The following ZNF280A variants were observed in gnomAD, a reference collection of about 807,000 sequenced individuals.
The protein encoded by ZNF280A is suppressor of hairy wing homolog 1.
In ZNF280A, 26 loss-of-function variants were observed where a neutral mutation model predicts 35.9. The observed-to-expected ratio is 0.72, with a 90% CI of 0.53 to 1.01. ZNF280A has a LOEUF of 1.01. Among genes scored for constraint, ZNF280A ranks in the 50% least tolerant of loss-of-function variants. The pLI, the probability that ZNF280A is intolerant of heterozygous loss-of-function variation, is 0.00. For missense variants in ZNF280A, 654 were observed against 652.0 expected, an observed-to-expected ratio of 1.00 and a Z score of -0.03; for synonymous variants, 231 against 232.9, an observed-to-expected ratio of 0.99 and a Z score of 0.07.
At chr22:22,516,209 A>C (rs1215586388) in intron 1 of ZNF280A, among the ~76,000 whole-genome samples, 1 of 151,678 alleles carries the variant, frequency 6.6e-6, no homozygotes, top group Admixed American at 6.6e-5. Flanking sequence ...TGAGCCCAGG[A>C]CTTCAAAGCT....
intron 1 of ZNF280A, among the ~76,000 whole-genome samples, chr22:22,516,266 A>G (rs1377872428): frequency 7.1e-6 from 1 of 140,564 alleles, no homozygotes; most frequent in Admixed American, 7.0e-5. Flanking sequence ...ATGAGACCCC[A>G]TCACACAAAC....
Position 22,514,387 on chromosome 22 carries a change from G to A in ZNF280A, c.1244C>T (p.Thr415Met), listed in dbSNP as rs143724074. 51 of 1,613,902 alleles carry A rather than the reference G, an allele frequency of 3.2e-5. No homozygotes were observed. Among genetic ancestry groups the A allele is most frequent in the African/African-American group, 9.3e-5 (7 of 74,986 alleles). Reference protein sequence around the residue: ...VFADVETHFRTCHENTKNLLC... With the variant: ...VFADVETHFRMCHENTKNLLC... ...CAAATTCTTTGTGTTTTCATGGCAC[G>A]TTCTAAAATGTGTTTCCACATCAGC... is the stretch of plus-strand genomic sequence containing the variant. Residue 415 changes from threonine (T) to methionine (M), a missense_variant, in exon 2 of 2, where the codon ACG (threonine) becomes ATG (methionine). Transcript: ENST00000302097.
rs758830092 is a variant in ZNF280A at position 22,514,194 on chromosome 22, C to T, written c.1437G>A (p.Lys479=). ...TAGGCAACCCTTGCAGTTGCTCCGG[C>T]TTTTTAAATGTTTGATGGTCCTTGG... ...HKTKDHQTFK[K]PEQLQGLPSE... Residue 479 remains lysine (K), a synonymous_variant, in exon 2 of 2, where the codon AAG becomes AAA. Transcript: ENST00000302097. 1 of 1,613,558 alleles carries T rather than the reference C, an allele frequency of 6.2e-7. No homozygotes were observed. Among genetic ancestry groups the T allele is most frequent in the African/African-American group, 1.3e-5 (1 of 74,838 alleles).
chr22:22,517,204 C>G (rs182509547), intron 1 of ZNF280A, among the ~76,000 whole-genome samples: 2 of 151,624 alleles, frequency 1.3e-5, no homozygotes, highest in South Asian at 2.1e-4. Context: ...GTCAGGAGCT[C>G]GAGACCAGCC....
intron 1 of ZNF280A, among the ~76,000 whole-genome samples, chr22:22,518,538 G>A (rs1199075321): frequency 6.6e-6 from 1 of 151,662 alleles, no homozygotes; most frequent in Non-Finnish European, 1.5e-5. Flanking sequence ...TGTAATCCCA[G>A]CACTTTTGGG....
At chr22:22,519,269 C>A (rs1039523272) in intron 1 of ZNF280A, among the ~76,000 whole-genome samples, 4 of 151,600 alleles carry the variant, frequency 2.6e-5, no homozygotes, top group African/African-American at 9.7e-5. Flanking sequence ...CCCATCTCTA[C>A]TAAAAATACA....
At position 22,517,876 on chromosome 22, in the gene ZNF280A, T is replaced by TAA. The variant is rs362029; in HGVS notation, c.-71-2177_-71-2176dup. On this transcript the variant is annotated intron_variant, in intron 1 of 1. Coordinates refer to ENST00000302097, the MANE Select transcript of ZNF280A (RefSeq NM_080740.5). The stretch of plus-strand genomic sequence containing the variant: ...ATATCAGCATGTTTAACATCTGATG[T>TAA]AAAAAAAAAAAAAAAGGAGAGTAAT... 7.9e-3 allele frequency among the ~76,000 whole-genome samples: 1,011 copies of TAA among 127,888 alleles called. 24 individuals are homozygous for TAA. Among genetic ancestry groups the TAA allele is most frequent in the African/African-American group, 0.026 (874 of 33,400 alleles). The allele number at this position is 127,888 out of a possible 152,430, so 83.9% of individuals were successfully genotyped here.
intron 1 of ZNF280A, among the ~76,000 whole-genome samples, chr22:22,518,525 G>A (rs1435425272): frequency 1.3e-5 from 2 of 151,548 alleles, no homozygotes; most frequent in African/African-American, 2.4e-5. Flanking sequence ...GGTGGCTCAC[G>A]CCTGTAATCC....
At chr22:22,518,568 A>G (rs908252210) in intron 1 of ZNF280A, among the ~76,000 whole-genome samples, 1 of 151,602 alleles carries the variant, frequency 6.6e-6, no homozygotes, top group Non-Finnish European at 1.5e-5. Flanking sequence ...TGGGCAGATC[A>G]CTTGAGCTCA....
Position 22,515,067 on chromosome 22 carries a change from T to C in ZNF280A, c.564A>G (p.Pro188=). Residue 188 remains proline (P), a synonymous_variant, in exon 2 of 2, where the codon CCA becomes CCG. Transcript: ENST00000302097. The part of the protein sequence containing the change: ...SKRVKLRDGI[P]GVPSLAVVPS... ...GGACCACAGCTAAAGAAGGTACCCC[T>C]GGGATTCCATCCCTGAGTTTAACCC... The C allele has an allele frequency of 6.2e-7, 1 of 1,613,926 alleles. No homozygotes were observed. Among genetic ancestry groups the C allele is most frequent in the East Asian group, 2.2e-5 (1 of 44,794 alleles).
chr22:22,513,857 G>C lies in ZNF280A; in HGVS notation c.*145C>G, dbSNP rs2062036712. 2 of 601,836 alleles carry C rather than the reference G, an allele frequency of 3.3e-6. No homozygotes were observed. Among genetic ancestry groups the C allele is most frequent in the Middle Eastern group, 7.6e-4 (2 of 2,642 alleles). The allele number at this position is 601,836 out of a possible 1,614,324, so 37.3% of individuals were successfully genotyped here. The stretch of plus-strand genomic sequence containing the variant: ...CTCAAAGACTTTGGAGCTACTTCTT[G>C]ACAATAGGGAGCTGATGAGATGTCA... On this transcript the variant is annotated 3_prime_UTR_variant, in exon 2 of 2. Coordinates refer to ENST00000302097, the MANE Select transcript of ZNF280A (RefSeq NM_080740.5).
chr22:22,516,825 C>T (rs907435230), intron 1 of ZNF280A, among the ~76,000 whole-genome samples: 5 of 151,838 alleles, frequency 3.3e-5, no homozygotes, highest in South Asian at 2.1e-4. Flanking sequence ...CCGGACGTTG[C>T]GTGCCTCTTT....
intron 1 of ZNF280A, among the ~76,000 whole-genome samples, chr22:22,518,812 A>G (rs2062106335): frequency 6.6e-6 from 1 of 151,228 alleles, no homozygotes; most frequent in Non-Finnish European, 1.5e-5. Flanking sequence ...AAAAAGGAAT[A>G]TTTTGTGATG....
intron 1 of ZNF280A, among the ~76,000 whole-genome samples, 164 bp from the exon 2 acceptor site, chr22:22,515,865 C>G (rs1424191852): frequency 6.6e-6 from 1 of 151,824 alleles, no homozygotes; most frequent in Non-Finnish European, 1.5e-5. Flanking sequence ...TTCAAATTTA[C>G]CTGTCTCTCC....
intron 1 of ZNF280A, among the ~76,000 whole-genome samples, chr22:22,518,092 AT>A (rs1187307747): frequency 6.6e-6 from 1 of 151,550 alleles, no homozygotes; most frequent in Non-Finnish European, 1.5e-5. Context: ...CGCCCGGCTA[AT>A]TTTTTGTATT....
At chr22:22,517,624 A>G (rs1256555479) in intron 1 of ZNF280A, among the ~76,000 whole-genome samples, 1 of 151,928 alleles carries the variant, frequency 6.6e-6, no homozygotes, top group Non-Finnish European at 1.5e-5. Context: ...GCCATATTTT[A>G]TTGATTCTAA....
At position 22,515,273 on chromosome 22, in the gene ZNF280A, A is replaced by G. The variant is rs1569194892; in HGVS notation, c.358T>C (p.Ser120Pro). 6.2e-7 allele frequency: 1 copy of G among 1,613,868 alleles called. No homozygotes were observed. Among genetic ancestry groups the G allele is most frequent in the East Asian group, 2.2e-5 (1 of 44,800 alleles). ...STDSPVTMKS[S>P]SEPGYKMSSP... is the part of the protein sequence containing the mutation. ...CTCATTTTATAACCAGGTTCAGATG[A>G]AGACTTCATAGTGACAGGACTATCT... The change falls in exon 2 of 2, where the codon TCA (serine) becomes CCA (proline). Residue 120 changes from serine (S) to proline (P), a missense_variant. Coordinates refer to ENST00000302097, the MANE Select transcript of ZNF280A (RefSeq NM_080740.5).
rs755764936 is a variant in ZNF280A, at chr22:22,515,203, G to T, written c.428C>A (p.Pro143Gln). The change falls in exon 2 of 2, where the codon CCA becomes CAA. Residue 143 changes from proline (P) to glutamine (Q), a missense_variant. Transcript: ENST00000302097. ...AGCTCCAACTAGACACTGAGTCCCTGGGGGGAGCGAGTCTGAGGAACTGGG... is the reference window on the plus strand; with the variant it reads ...AGCTCCAACTAGACACTGAGTCCCTTGGGGGAGCGAGTCTGAGGAACTGGG... ...VSPSSSDSLP[P>Q]GTQCLVGAMV... 6.8e-6 allele frequency: 11 copies of T among 1,613,698 alleles called. No homozygotes were observed. The highest frequency in any genetic ancestry group is 2.7e-5 in the African/African-American group (2 of 74,850).
At chr22:22,519,780 T>C (rs992388489) in intron 1 of ZNF280A, among the ~76,000 whole-genome samples, 1 of 151,854 alleles carries the variant, frequency 6.6e-6, no homozygotes, top group Non-Finnish European at 1.5e-5. Context: ...GCCAACAGCA[T>C]GGGGACTCAG....
Sources: allele counts gnomAD v4.1 joint callset (sites outside exome capture counted in the v4.1 genomes callset), GRCh38; gene constraint gnomAD v4.1.1; transcripts MANE v1.5; gene names NCBI Gene and HGNC (gene_info 2026-07-23, HGNC 2026-07-21).